RTN3: variants seen among roughly 807,000 people sequenced by gnomAD.
RTN3 encodes the protein reticulon-3.
In RTN3, 49 loss-of-function variants were observed where a neutral mutation model predicts 77.8. The observed-to-expected ratio is 0.63, with a 90% confidence interval of 0.50 to 0.80. The LOEUF (loss-of-function observed/expected upper bound fraction) is 0.80. Among genes scored for constraint, RTN3 ranks in the 30% least tolerant of loss-of-function variants. The probability of loss-of-function intolerance (pLI) is 0.00; values close to 1 mark genes in which losing one functional copy is unlikely to be tolerated. For synonymous variants in RTN3, 464 were observed against 446.9 expected, an observed-to-expected ratio of 1.04 and a Z score of -0.48; for missense variants, 1,236 against 1,211.9, an observed-to-expected ratio of 1.02 and a Z score of -0.29.
intron 2 of RTN3, chr11:63,714,566 G>A (rs61928208): frequency 0.11 from 16,416 of 149,986 alleles, 1,033 homozygotes; most frequent in South Asian, 0.16. Flanking sequence ...AAGCTGGAGT[G>A]CAGTGGCATG....
intron 3 of RTN3, among the ~76,000 whole-genome samples, chr11:63,724,512 GAC>G (rs1249012012): frequency 3.3e-5 from 2 of 59,778 alleles, no homozygotes; most frequent in African/African-American, 7.1e-5. Flanking sequence ...TTTTTTTAAA[GAC>G]AGAGTCTCAC....
At chr11:63,725,037 T>G (rs1464008230) in intron 3 of RTN3, among the ~76,000 whole-genome samples, 1 of 152,034 alleles carries the variant, frequency 6.6e-6, no homozygotes, top group Non-Finnish European at 1.5e-5. Flanking sequence ...CTTCTCTATA[T>G]GTAGAATTAA....
In RTN3 at chr11:63,720,340, C is replaced by T. The variant is rs1260063571; in HGVS notation, c.1838C>T (p.Ser613Leu). Residue 613 changes from serine to leucine, a missense_variant, in exon 3 of 9, where the codon TCA becomes TTA. This residue lies in a region of RTN3 where 1,056 missense variants were observed against 990.4 expected (regional missense o/e 1.07). Coordinates refer to ENST00000377819, the MANE Select transcript of RTN3 (RefSeq NM_001265589.2). Reference sequence around the variant, plus strand: ...ACTACTGAGAACCCCAAACTTCCTTCAACAGTGTCTCCAAATGTTTTTAAT... The same window carrying T: ...ACTACTGAGAACCCCAAACTTCCTTTAACAGTGTCTCCAAATGTTTTTAAT... ...PITTENPKLP[S>L]TVSPNVFNET... 2 of 1,614,030 alleles carry T rather than the reference C, an allele frequency of 1.2e-6. No homozygotes were observed. The highest frequency in any genetic ancestry group is 1.7e-6 in the Non-Finnish European group (2 of 1,179,968).
At chr11:63,737,941 G>T (rs2013238298) in intron 3 of RTN3, among the ~76,000 whole-genome samples, 1 of 152,186 alleles carries the variant, frequency 6.6e-6, no homozygotes, top group East Asian at 1.9e-4. Context: ...CCTTTTGAGG[G>T]GGTGGATTTC....
chr11:63,726,751 C>T (rs1217350694), intron 3 of RTN3, among the ~76,000 whole-genome samples: 3 of 151,840 alleles, frequency 2.0e-5, no homozygotes, highest in Non-Finnish European at 4.4e-5. Flanking sequence ...ATCCCACCTA[C>T]TCAGGTGGCT....
At chr11:63,750,892 C>T (rs545855464) in intron 4 of RTN3, among the ~76,000 whole-genome samples, 13 of 152,000 alleles carry the variant, frequency 8.6e-5, no homozygotes, top group African/African-American at 1.2e-4. Flanking sequence ...CCATCACGCC[C>T]GGCTAATTTT....
intron 3 of RTN3, among the ~76,000 whole-genome samples, chr11:63,745,755 G>T (rs1451263111): frequency 6.6e-6 from 1 of 152,174 alleles, no homozygotes; most frequent in Non-Finnish European, 1.5e-5. Flanking sequence ...TATTTCTTAT[G>T]AGTTTTCCAG....
rs575208734 is a variant in RTN3, at chr11:63,750,771, G to A, written c.2738+573G>A. ...TTTTGAGACAGAGTCTCACTCTGTC[G>A]CCCAGGCTGGAGTGCAGCGGTGCAA... On this transcript the variant is annotated intron_variant, in intron 4 of 8. Coordinates refer to ENST00000377819, the MANE Select transcript of RTN3 (RefSeq NM_001265589.2). Among the ~76,000 whole-genome samples, 11 of 150,928 alleles carry A rather than the reference G, an allele frequency of 7.3e-5. No homozygotes were observed. In the East Asian group the frequency reaches 1.4e-3, roughly 19 times the overall value.
chr11:63,731,447 A>G (rs1008598568), intron 3 of RTN3, among the ~76,000 whole-genome samples: 2 of 152,214 alleles, frequency 1.3e-5, no homozygotes, highest in Non-Finnish European at 2.9e-5. Flanking sequence ...CTTTAAATTA[A>G]TGAAGATATC....
intron 1 of RTN3, among the ~76,000 whole-genome samples, chr11:63,686,656 T>C (rs1355969716): frequency 6.6e-6 from 1 of 151,792 alleles, no homozygotes; most frequent in Admixed American, 6.6e-5. Context: ...TGAAACCCCA[T>C]CTCTACAAAA....
chr11:63,746,523 T>TC (rs1179778835), intron 3 of RTN3, among the ~76,000 whole-genome samples: 1 of 152,076 alleles, frequency 6.6e-6, no homozygotes, highest in East Asian at 1.9e-4. Context: ...GTTTTTTGTT[T>TC]TTTTTTTTTG....
chr11:63,749,926 C>A, intron 3 of RTN3, 65 bp from the exon 4 acceptor site: 1 of 1,180,682 alleles, frequency 8.5e-7, no homozygotes, highest in Non-Finnish European at 1.2e-6. Context: ...TGAGGCTCCA[C>A]AGGTATGCAA....
chr11:63,719,557 C>T lies in RTN3; in HGVS notation c.1055C>T (p.Thr352Ile), dbSNP rs2011606224. 7 of 1,614,130 alleles carry T rather than the reference C, an allele frequency of 4.3e-6. No homozygotes were observed. Among genetic ancestry groups the T allele is most frequent in the Non-Finnish European group, 5.9e-6 (7 of 1,180,030 alleles). The change falls in exon 3 of 9, where the codon ACC becomes ATC. Residue 352 changes from threonine (T) to isoleucine (I), a missense_variant. Physicochemically the swap from Thr to Ile is moderately conservative, Grantham distance 89. Coordinates refer to ENST00000377819, the MANE Select transcript of RTN3 (RefSeq NM_001265589.2). ...WDLVPQVKQQ[T>I]DKSSDCITKT... The stretch of plus-strand genomic sequence containing the variant: ...CTGGTTCCCCAAGTGAAACAACAGA[C>T]CGATAAATCTTCTGACTGCATCACA...
Position 63,681,522 on chromosome 11 carries a change from G to C in RTN3, c.-115G>C. 1 of 1,127,352 alleles carries C rather than the reference G, an allele frequency of 8.9e-7. No individual in the cohort carries two copies. The highest frequency in any genetic ancestry group is 1.7e-5 in the South Asian group (1 of 57,980). 69.8% of individuals were successfully genotyped at this position (1,127,352 alleles called of 1,614,324 possible). On this transcript the variant is annotated 5_prime_UTR_variant, in exon 1 of 9. Coordinates refer to ENST00000377819, the MANE Select transcript of RTN3 (RefSeq NM_001265589.2). ...GTCAGTCTGTCGGAGTCTGTCCTCGGAGCAGGCGGAGTAAAGGGACTTGAG... is the reference window on the plus strand; with the variant it reads ...GTCAGTCTGTCGGAGTCTGTCCTCGCAGCAGGCGGAGTAAAGGGACTTGAG...
rs928600720 is a variant in RTN3, at chr11:63,720,589, A to G, written c.2087A>G (p.Asn696Ser). The change falls in exon 3 of 9, where the codon AAT (asparagine) becomes AGT (serine). Residue 696 changes from asparagine (N) to serine (S), a missense_variant. Physicochemically the swap from Asn to Ser is conservative, Grantham distance 46 (BLOSUM62 1). This residue lies in a region of RTN3 where 1,056 missense variants were observed against 990.4 expected (regional missense o/e 1.07). Coordinates refer to ENST00000377819, the MANE Select transcript of RTN3 (RefSeq NM_001265589.2). ...CCTCCTGTAGAAGTCTTACATGAAA[A>G]TGAGTCCGGTGGTTCTGAAATTAAA... ...TTPPVEVLHE[N>S]ESGGSEIKDI... 4.3e-6 allele frequency: 7 copies of G among 1,614,146 alleles called. No individual in the cohort carries two copies. Among genetic ancestry groups the G allele is most frequent in the Non-Finnish European group, 8.5e-7 (1 of 1,180,004 alleles).
At chr11:63,754,336 T>G (rs557856323) in intron 7 of RTN3, among the ~76,000 whole-genome samples, 1 of 151,280 alleles carries the variant, frequency 6.6e-6, no homozygotes, top group Admixed American at 6.6e-5. Flanking sequence ...GGCAGATCAC[T>G]TGAGGTCAGG....
intron 1 of RTN3, among the ~76,000 whole-genome samples, chr11:63,697,995 T>A (rs1005103779): frequency 1.3e-5 from 2 of 152,180 alleles, no homozygotes; most frequent in Non-Finnish European, 2.9e-5. Context: ...TTATCACCCG[T>A]ATTTCCCATA....
At position 63,753,066 on chromosome 11, in the gene RTN3, C is replaced by T; in HGVS notation, c.2878-3C>T. 2.5e-6 allele frequency: 4 copies of T among 1,613,874 alleles called. No homozygotes were observed. Among genetic ancestry groups the T allele is most frequent in the Non-Finnish European group, 3.4e-6 (4 of 1,179,854 alleles). ...TGCTTAACTTTTGATATGGCCTTCACAGCTGGCTGTCTTCATGTGGCTGAT... is the reference window on the plus strand; with the variant it reads ...TGCTTAACTTTTGATATGGCCTTCATAGCTGGCTGTCTTCATGTGGCTGAT... On this transcript the variant is annotated splice_polypyrimidine_tract_variant and splice_region_variant and intron_variant, in intron 5 of 8. Coordinates refer to ENST00000377819, the MANE Select transcript of RTN3 (RefSeq NM_001265589.2).
intron 3 of RTN3, among the ~76,000 whole-genome samples, chr11:63,740,596 C>CT (rs1263505668): frequency 6.0e-5 from 9 of 149,940 alleles, no homozygotes; most frequent in Admixed American, 6.7e-5. Flanking sequence ...CGCGCCTGGC[C>CT]TTTTTTTTTC....
Sources: gnomAD v4.1 joint callset for allele counts (sites outside exome capture counted in the v4.1 genomes callset) on GRCh38, gnomAD v4.1.1 for gene constraint, gnomAD v4.1.1 regional missense constraint, MANE v1.5 for transcripts, NCBI Gene and HGNC (gene_info 2026-07-23, HGNC 2026-07-21) for gene names.